VCF1: variants seen among roughly 807,000 people sequenced by gnomAD.
VCF1 encodes the protein protein VCF1.
At chr17:73,209,716 T>TGC in the VCF1 span, 1 of 1,545,640 alleles carries the variant, frequency 6.5e-7, no homozygotes, top group Non-Finnish European at 8.7e-7. Flanking sequence ...GTCCGGGCTA[T>TGC]TGATGCTGCT....
the VCF1 span, chr17:73,208,063 G>T: frequency 7.2e-7 from 1 of 1,395,374 alleles, no homozygotes. Context: ...AGGCTGTGGA[G>T]AGAAGTGCCT....
At chr17:73,209,115 C>G in the VCF1 span, 1 of 196,682 alleles carries the variant, frequency 5.1e-6, no homozygotes, top group African/African-American at 2.4e-5. Flanking sequence ...TTCATGGAAA[C>G]TAGATACTCT....
chr17:73,225,914 T>C, the VCF1 span, among the ~76,000 whole-genome samples: 3 of 142,590 alleles, frequency 2.1e-5, no homozygotes, highest in South Asian at 6.5e-4. Context: ...TTTTTTTTTT[T>C]TTTCTGAAAC....
At chr17:73,218,601 G>A in the VCF1 span, among the ~76,000 whole-genome samples, 1 of 152,214 alleles carries the variant, frequency 6.6e-6, no homozygotes, top group Non-Finnish European at 1.5e-5. Context: ...ATAAGAAACT[G>A]CTGCCGGGCG....
the VCF1 span, among the ~76,000 whole-genome samples, chr17:73,210,766 T>A: frequency 2.7e-5 from 4 of 150,812 alleles, no homozygotes; most frequent in Non-Finnish European, 4.4e-5. Context: ...TATTTTTTTT[T>A]TTTTTTTTTT....
chr17:73,229,184 G>A, the VCF1 span: 20 of 985,388 alleles, frequency 2.0e-5, no homozygotes, highest in Middle Eastern at 1.6e-3. Context: ...AATCTCTTTG[G>A]CCTGTTGGTA....
the VCF1 span, among the ~76,000 whole-genome samples, chr17:73,225,532 C>T: frequency 6.6e-6 from 1 of 150,896 alleles, no homozygotes; most frequent in Non-Finnish European, 1.5e-5. Context: ...CTGGCAGATA[C>T]GGGAAAAAAA....
At chr17:73,209,562 G>T in the VCF1 span, 1 of 1,588,562 alleles carries the variant, frequency 6.3e-7, no homozygotes, top group Non-Finnish European at 8.6e-7. Context: ...GCTGTAGGCT[G>T]TGGAAGTGGG....
At chr17:73,209,099 T>C in the VCF1 span, 117 of 190,176 alleles carry the variant, frequency 6.2e-4, no homozygotes, top group African/African-American at 2.2e-3. Flanking sequence ...AAAAAACTTA[T>C]GTTTTTTCAT....
the VCF1 span, among the ~76,000 whole-genome samples, chr17:73,210,495 TAA>T: frequency 9.0e-4 from 127 of 140,380 alleles, no homozygotes; most frequent in Non-Finnish European, 9.4e-4. Flanking sequence ...GTTCATGTTT[TAA>T]AAAAAAAAAA....
chr17:73,210,605 AT>A, the VCF1 span, among the ~76,000 whole-genome samples: 1 of 151,446 alleles, frequency 6.6e-6, no homozygotes. Flanking sequence ...GTATTTTACA[AT>A]TTTTTTTGGA....
At chr17:73,219,101 G>T in the VCF1 span, among the ~76,000 whole-genome samples, 1 of 144,232 alleles carries the variant, frequency 6.9e-6, no homozygotes, top group Admixed American at 7.3e-5. Context: ...TGAGGCAGGC[G>T]AATCGCTTGA....
At chr17:73,229,595 G>A in the VCF1 span, 8 of 985,276 alleles carry the variant, frequency 8.1e-6, no homozygotes, top group Non-Finnish European at 9.6e-6. Context: ...GCTGGGCACG[G>A]TGACTCACAC....
the VCF1 span, among the ~76,000 whole-genome samples, chr17:73,210,384 G>A: frequency 7.9e-5 from 12 of 151,642 alleles, no homozygotes; most frequent in Non-Finnish European, 1.5e-4. Flanking sequence ...GTACATGAGC[G>A]TGCCTAACTT....
chr17:73,210,339 A>G, the VCF1 span, among the ~76,000 whole-genome samples: 1 of 152,146 alleles, frequency 6.6e-6, no homozygotes, highest in Non-Finnish European at 1.5e-5. Context: ...AAGTTATCTT[A>G]TGTTGGCATT....
the VCF1 span, among the ~76,000 whole-genome samples, chr17:73,226,620 ACT>A: frequency 6.6e-6 from 1 of 152,060 alleles, no homozygotes; most frequent in Admixed American, 6.6e-5. Context: ...GTACTGAAGC[ACT>A]CTTTCATGAA....
the VCF1 span, chr17:73,231,984 C>A: frequency 2.0e-5 from 26 of 1,296,198 alleles, no homozygotes; most frequent in East Asian, 7.1e-4. Flanking sequence ...CAGGGAGCCC[C>A]GCCGGGTCCA....
At chr17:73,226,494 G>A in the VCF1 span, among the ~76,000 whole-genome samples, 1 of 152,224 alleles carries the variant, frequency 6.6e-6, no homozygotes, top group African/African-American at 2.4e-5. Flanking sequence ...TGTGACAACT[G>A]TTAAGGGTCA....
the VCF1 span, chr17:73,208,666 CT>C: frequency 1.6e-6 from 1 of 613,208 alleles, no homozygotes; most frequent in South Asian, 1.9e-5. Context: ...GTTCAGGTAG[CT>C]TACATTTTAT....
Sources: allele counts gnomAD v4.1 joint callset (sites outside exome capture counted in the v4.1 genomes callset), GRCh38; gene constraint gnomAD v4.1.1; transcripts MANE v1.5; gene names NCBI Gene and HGNC (gene_info 2026-07-23, HGNC 2026-07-21).